The following MGST1 variants were observed in gnomAD, a reference collection of about 807,000 sequenced individuals.
MGST1 encodes microsomal glutathione S-transferase 1, also known as glutathione S-transferase 12.
In MGST1, 5 loss-of-function variants were observed where a neutral mutation model predicts 8.9. The ratio of observed to expected loss-of-function variants is 0.56; its 90% CI spans 0.29 to 1.19. The LOEUF is 1.19. Ranked by LOEUF, MGST1 falls within the 50% of genes most tolerant of loss-of-function variation. The pLI, the probability that MGST1 is intolerant of heterozygous loss-of-function variation, is 0.08. For missense variants in MGST1, 182 were observed against 187.4 expected (o/e 0.97, Z 0.17); for synonymous variants, 54 against 67.8 (o/e 0.80, Z 1.00).
intron 4 of MGST1, among the ~76,000 whole-genome samples, chr12:16,470,581 C>T (rs1356609310): frequency 6.6e-6 from 1 of 152,086 alleles, no homozygotes; most frequent in Admixed American, 6.6e-5. Flanking sequence ...GGAGAGTAAT[C>T]ATGGATGAGT....
At chr12:16,468,051 A>G (rs1415157480) in intron 4 of MGST1, among the ~76,000 whole-genome samples, 4 of 152,162 alleles carry the variant, frequency 2.6e-5, no homozygotes, top group Admixed American at 1.3e-4. Flanking sequence ...CTATGTCTAC[A>G]TTGGCCAACT....
intron 4 of MGST1, among the ~76,000 whole-genome samples, chr12:16,499,363 T>C (rs1187629797): frequency 2.6e-5 from 4 of 152,228 alleles, no homozygotes; most frequent in Non-Finnish European, 5.9e-5. Context: ...CTCTTCCTTT[T>C]AGATAACTTT....
chr12:16,442,560 T>A (rs1336579839), downstream of MGST1, among the ~76,000 whole-genome samples: 1 of 151,834 alleles, frequency 6.6e-6, no homozygotes, highest in Non-Finnish European at 1.5e-5. The surrounding 1 kb of genome is among the most constrained non-coding windows in gnomAD (Gnocchi z 4.5). Context: ...GAACTTTGTG[T>A]CGAAAAGACT....
At chr12:16,395,958 C>T (rs1434152247) in intron 1 of MGST1, among the ~76,000 whole-genome samples, 4 of 151,952 alleles carry the variant, frequency 2.6e-5, no homozygotes, top group South Asian at 4.2e-4. Flanking sequence ...TTTTCCTCTG[C>T]GTAGACACCC....
At chr12:16,391,133 C>T (rs1043060701) in intron 1 of MGST1, among the ~76,000 whole-genome samples, 1 of 125,118 alleles carries the variant, frequency 8.0e-6, no homozygotes, top group Non-Finnish European at 1.6e-5. Context: ...TGTCCTTTGC[C>T]CACTTCTTTT....
At chr12:16,446,427 G>A (rs546362780) in intron 4 of MGST1, among the ~76,000 whole-genome samples, 8 of 151,948 alleles carry the variant, frequency 5.3e-5, no homozygotes, top group South Asian at 2.1e-4. Flanking sequence ...AATCAAGGTC[G>A]CCATCTTCAG....
At chr12:16,515,671 A>C (rs549779303) in intron 4 of MGST1, among the ~76,000 whole-genome samples, 3 of 152,064 alleles carry the variant, frequency 2.0e-5, no homozygotes, top group Admixed American at 2.0e-4. Flanking sequence ...TAAAGAATGT[A>C]ATTTTCTGCT....
At chr12:16,572,110 A>C (rs961246989) in intron 4 of MGST1, among the ~76,000 whole-genome samples, 11 of 151,994 alleles carry the variant, frequency 7.2e-5, no homozygotes, top group African/African-American at 2.7e-4. Context: ...ATCCTGCAAG[A>C]AAAAGGTACA....
At chr12:16,412,146 T>G (rs561530555) in intron 1 of MGST1, among the ~76,000 whole-genome samples, 2 of 152,328 alleles carry the variant, frequency 1.3e-5, no homozygotes, top group East Asian at 1.9e-4. Flanking sequence ...GATAGTTTCC[T>G]CTTATAGATC....
intron 4 of MGST1, among the ~76,000 whole-genome samples, chr12:16,459,021 A>C (rs1263877574): frequency 2.0e-5 from 3 of 152,088 alleles, no homozygotes; most frequent in African/African-American, 7.2e-5. Context: ...ACCTATTATC[A>C]TCAAATTAGA....
chr12:16,442,499 T>C (rs1010452964), downstream of MGST1, among the ~76,000 whole-genome samples: 3 of 151,918 alleles, frequency 2.0e-5, no homozygotes, highest in Non-Finnish European at 2.9e-5. The surrounding 1 kb of genome is among the most constrained non-coding windows in gnomAD (Gnocchi z 4.5). Flanking sequence ...GTGAAGGATT[T>C]AAGGTCTTTG....
In MGST1 at chr12:16,373,714, T is replaced by C. The variant is rs188331387; in HGVS notation, c.222-2408T>C. Among the ~76,000 whole-genome samples, 560 of 152,216 alleles carry C rather than the reference T, an allele frequency of 3.7e-3. 3 individuals are homozygous for C. Among genetic ancestry groups the C allele is most frequent in the African/African-American group, 0.012 (494 of 41,558 alleles). On this transcript the variant is annotated intron_variant, in intron 3 of 3. Coordinates refer to the MGST1 transcript ENST00000535309. ...CTGACTAACTGGTGCCAGAATTTAA[T>C]CAAAGTGACTAAGAACACCACTTTA...
intron 1 of MGST1, among the ~76,000 whole-genome samples, chr12:16,405,775 T>C (rs1940693750): frequency 6.6e-6 from 1 of 152,168 alleles, no homozygotes; most frequent in South Asian, 2.1e-4. Context: ...AATCAATAAA[T>C]GTGATTCATC....
intron 4 of MGST1, among the ~76,000 whole-genome samples, chr12:16,446,962 G>T (rs974048569): frequency 5.9e-5 from 9 of 151,760 alleles, no homozygotes; most frequent in African/African-American, 1.9e-4. Flanking sequence ...ATCCTCTGTG[G>T]GTCTTCTGTC....
chr12:16,478,374 A>G (rs1418523746), intron 4 of MGST1, among the ~76,000 whole-genome samples: 3 of 152,074 alleles, frequency 2.0e-5, no homozygotes, highest in Admixed American at 6.6e-5. Flanking sequence ...TTCTCTTGAA[A>G]GCCAAACATA....
Position 16,402,321 on chromosome 12 carries a change from A to G in MGST1, n.778+18717A>G, listed in dbSNP as rs538605959. 3.1e-6 allele frequency: 5 copies of G among 1,596,166 alleles called. No homozygotes were observed. The South Asian group carries it at 4.4e-5, about 14-fold the overall frequency. On this transcript the variant is annotated intron_variant and non_coding_transcript_variant, in intron 1 of 1. Coordinates refer to the MGST1 transcript ENST00000359720. ...TTCATCAACACCCACTGATGCAACA[A>G]TGGCTCAACGTTGGCATACTCATCT...
At chr12:16,575,509 T>G (rs1256945204) in intron 4 of MGST1, among the ~76,000 whole-genome samples, 1 of 152,218 alleles carries the variant, frequency 6.6e-6, no homozygotes, top group Non-Finnish European at 1.5e-5. Context: ...TTGAGCCCTG[T>G]CTCTGTACCA....
intron 4 of MGST1, among the ~76,000 whole-genome samples, chr12:16,535,320 T>C (rs375128410): frequency 2.0e-5 from 3 of 152,302 alleles, no homozygotes; most frequent in South Asian, 4.1e-4. Flanking sequence ...GTGGGCTCAA[T>C]GTATAATATA....
chr12:16,359,982 A>T (rs953849273), intron 3 of MGST1, among the ~76,000 whole-genome samples: 1 of 152,230 alleles, frequency 6.6e-6, no homozygotes, highest in Non-Finnish European at 1.5e-5. Context: ...TTGATCCGCT[A>T]GTCAGGTTGC....
Sources: gnomAD v4.1 joint callset for allele counts (sites outside exome capture counted in the v4.1 genomes callset) on GRCh38, gnomAD v4.1.1 for gene constraint, Gnocchi (gnomAD v3.1) non-coding constraint, MANE v1.5 for transcripts, NCBI Gene and HGNC (gene_info 2026-07-23, HGNC 2026-07-21) for gene names.